The following UMAD1 variants were observed in gnomAD, a reference collection of about 807,000 sequenced individuals.
The protein encoded by UMAD1 is UBAP1-MVB12-associated (UMA) domain containing 1.
Under a neutral mutation model 6.1 loss-of-function variants are expected in UMAD1, and 8 were observed. That is an observed-to-expected ratio of 1.30 (90% CI 0.76 to 2.35). The LOEUF (loss-of-function observed/expected upper bound fraction) is 2.35. Among genes scored for constraint, UMAD1 ranks in the 30% most tolerant of loss-of-function variants. The probability of loss-of-function intolerance (pLI) is 0.00; values close to 1 mark genes in which losing one functional copy is unlikely to be tolerated. For missense variants in UMAD1, 130 were observed against 78.4 expected, an observed-to-expected ratio of 1.66 and a Z score of -2.49; for synonymous variants, 56 against 31.4, an observed-to-expected ratio of 1.78 and a Z score of -2.61.
intron 2 of UMAD1, among the ~76,000 whole-genome samples, chr7:7,730,065 T>C (rs567251550): frequency 2.4e-4 from 36 of 152,298 alleles, no homozygotes; most frequent in African/African-American, 8.4e-4. Flanking sequence ...TTTTCCCTTT[T>C]TCTGCCCTTG....
At chr7:7,699,264 TATAAC>T (rs1358589839) in intron 2 of UMAD1, among the ~76,000 whole-genome samples, 1 of 152,190 alleles carries the variant, frequency 6.6e-6, no homozygotes, top group South Asian at 2.1e-4. Context: ...ATTTTAATAA[TATAAC>T]AGATTTAATT....
chr7:7,876,159 A>T (rs1355083027), intron 3 of UMAD1, among the ~76,000 whole-genome samples: 1 of 152,226 alleles, frequency 6.6e-6, no homozygotes, highest in Non-Finnish European at 1.5e-5. Context: ...TAAGGGAAGT[A>T]GCCCTGTGTA....
chr7:7,785,478 C>A (rs959335233), intron 2 of UMAD1, among the ~76,000 whole-genome samples: 1 of 152,010 alleles, frequency 6.6e-6, no homozygotes, highest in Non-Finnish European at 1.5e-5. Context: ...CCTGGACTTA[C>A]AAGCCATGAA....
chr7:7,871,318 C>T (rs907585700), intron 3 of UMAD1, among the ~76,000 whole-genome samples: 5 of 152,176 alleles, frequency 3.3e-5, no homozygotes, highest in African/African-American at 1.2e-4. Flanking sequence ...TGTTGAAGCA[C>T]TGTTCATTCA....
At chr7:7,862,595 T>C (rs1784135139) in intron 3 of UMAD1, among the ~76,000 whole-genome samples, 1 of 152,198 alleles carries the variant, frequency 6.6e-6, no homozygotes, top group Non-Finnish European at 1.5e-5. Context: ...TGCACAAAAG[T>C]CTTAACTGTT....
chr7:7,667,218 C>G (rs1266441566), intron 1 of UMAD1, among the ~76,000 whole-genome samples: 1 of 152,086 alleles, frequency 6.6e-6, no homozygotes, highest in Non-Finnish European at 1.5e-5. Flanking sequence ...TTGCCACTAG[C>G]TAATAATGGG....
At chr7:7,866,130 A>G (rs1784220579) in intron 3 of UMAD1, among the ~76,000 whole-genome samples, 1 of 152,234 alleles carries the variant, frequency 6.6e-6, no homozygotes, top group African/African-American at 2.4e-5. Context: ...CAAATGCAGG[A>G]ATTGAGGGCC....
chr7:7,813,767 A>T (rs1475022823), intron 3 of UMAD1, among the ~76,000 whole-genome samples: 2 of 152,186 alleles, frequency 1.3e-5, no homozygotes, highest in East Asian at 3.9e-4. Flanking sequence ...GCTCAAACCA[A>T]CCCATCGGAG....
chr7:7,866,788 T>G (rs1186861517), intron 3 of UMAD1, among the ~76,000 whole-genome samples: 1 of 152,162 alleles, frequency 6.6e-6, no homozygotes, highest in East Asian at 1.9e-4. Context: ...TCAAAGGCAT[T>G]GAGGAATGTT....
At chr7:7,650,111 G>A (rs1363839046) in intron 1 of UMAD1, among the ~76,000 whole-genome samples, 3 of 152,222 alleles carry the variant, frequency 2.0e-5, no homozygotes, top group Non-Finnish European at 2.9e-5. Context: ...TTTGGGTCAA[G>A]ACAGAACCTG....
At chr7:7,761,105 C>A (rs534039204) in intron 2 of UMAD1, among the ~76,000 whole-genome samples, 7 of 152,226 alleles carry the variant, frequency 4.6e-5, no homozygotes, top group African/African-American at 1.7e-4. Flanking sequence ...TGGCTGACGC[C>A]TGTAATCCTA....
At chr7:7,726,544 C>T (rs549076357) in intron 2 of UMAD1, among the ~76,000 whole-genome samples, 1 of 152,196 alleles carries the variant, frequency 6.6e-6, no homozygotes, top group Admixed American at 6.5e-5. Flanking sequence ...ATATATGGTA[C>T]TGTTTCTCCC....
chr7:7,787,084 C>T (rs1325276179), intron 2 of UMAD1, among the ~76,000 whole-genome samples: 1 of 152,018 alleles, frequency 6.6e-6, no homozygotes, highest in East Asian at 1.9e-4. Context: ...CTAAACCTGC[C>T]CCCTAGAAAA....
intron 2 of UMAD1, among the ~76,000 whole-genome samples, chr7:7,723,254 G>A (rs1781083637): frequency 6.6e-6 from 1 of 152,200 alleles, no homozygotes; most frequent in African/African-American, 2.4e-5. Context: ...ACAGGCGTGG[G>A]AATTGATATT....
At chr7:7,748,385 TATAAA>T (rs1781615060) in intron 2 of UMAD1, among the ~76,000 whole-genome samples, 1 of 152,196 alleles carries the variant, frequency 6.6e-6, no homozygotes, top group South Asian at 2.1e-4. Flanking sequence ...AATATGCATT[TATAAA>T]ATAAAGATTT....
At chr7:7,745,922 C>T (rs1021756530) in intron 2 of UMAD1, among the ~76,000 whole-genome samples, 6 of 152,010 alleles carry the variant, frequency 3.9e-5, no homozygotes, top group Non-Finnish European at 5.9e-5. Context: ...TGTCTGGGAC[C>T]GAGACTTACC....
At chr7:7,711,861 C>A (rs1001473486) in intron 2 of UMAD1, among the ~76,000 whole-genome samples, 2 of 152,044 alleles carry the variant, frequency 1.3e-5, no homozygotes, top group African/African-American at 4.8e-5. Flanking sequence ...TTTAAAAAGT[C>A]CCTTCTTGGA....
At chr7:7,665,830 T>A (rs573552955) in intron 1 of UMAD1, among the ~76,000 whole-genome samples, 1 of 152,292 alleles carries the variant, frequency 6.6e-6, no homozygotes, top group East Asian at 1.9e-4. Context: ...TCAGCTTTTT[T>A]TTTTTTTGAG....
At chr7:7,755,638 A>G (rs751005454) in intron 2 of UMAD1, among the ~76,000 whole-genome samples, 9 of 152,214 alleles carry the variant, frequency 5.9e-5, no homozygotes, top group Non-Finnish European at 4.4e-5. Context: ...AAGACACTCC[A>G]AAATGGTTTC....
Sources: allele counts gnomAD v4.1 joint callset (sites outside exome capture counted in the v4.1 genomes callset), GRCh38; gene constraint gnomAD v4.1.1; transcripts MANE v1.5; gene names NCBI Gene and HGNC (gene_info 2026-07-23, HGNC 2026-07-21).